Variants in FBXL13 observed in about 807,000 individuals in gnomAD.
FBXL13 encodes F-box and leucine-rich repeat protein 13.
Under a neutral mutation model 83.6 loss-of-function variants are expected in FBXL13, and 67 were observed. The observed-to-expected ratio is 0.80, with a 90% CI of 0.66 to 0.98. FBXL13 has a LOEUF of 0.98. FBXL13 is among the 50% of genes least tolerant of loss of function. The pLI, the probability that FBXL13 is intolerant of heterozygous loss-of-function variation, is 0.00. For missense variants in FBXL13, 822 were observed against 866.5 expected (o/e 0.95, Z 0.64); for synonymous variants, 272 against 299.5 (o/e 0.91, Z 0.95).
At chr7:102,813,324 C>T (rs1168038087) in exon 20 of FBXL13, 2 of 1,568,896 alleles carry the variant, frequency 1.3e-6, no homozygotes, top group Non-Finnish European at 1.7e-6. Flanking sequence ...TTTTGTTCTT[C>T]CTGCTTGAGG....
chr7:102,813,588 T>G, intron 19 of FBXL13, 57 bp from the exon 21 acceptor site: 1 of 1,560,376 alleles, frequency 6.4e-7, no homozygotes, highest in South Asian at 1.2e-5. Context: ...AGTGCAAAAT[T>G]TTCAAACTCA....
chr7:102,933,918 G>A (rs1235030077), intron 8 of FBXL13: 15 of 1,600,186 alleles, frequency 9.4e-6, no homozygotes, highest in East Asian at 2.2e-5. Context: ...GTCAGGATGC[G>A]TGTGGTTACC....
At position 102,813,366 on chromosome 7, in the gene FBXL13, G is replaced by GT. The variant is rs1562888276; in HGVS notation, c.2183dup (p.Tyr728Ter). ...GTCACGCTGCTTGGTCTTCACTGCTGTATGTTGACTTTTTCACTGTTAATT... is the reference window on the plus strand; with the variant it reads ...GTCACGCTGCTTGGTCTTCACTGCTGTTATGTTGACTTTTTCACTGTTAATT... The change falls in exon 20 of 20, where the codon TAC becomes TAAC. Residue 728 changes from tyrosine (Y) to a stop codon, truncating the protein, a stop_gained and frameshift_variant. Transcript: ENST00000313221. LOFTEE classifies it high-confidence loss of function. 1 of 1,613,688 alleles carries GT rather than the reference G, an allele frequency of 6.2e-7. No individual in the cohort carries two copies. Among genetic ancestry groups the GT allele is most frequent in the East Asian group, 2.2e-5 (1 of 44,850 alleles).
At chr7:102,982,140 C>T (rs982823954) in intron 6 of FBXL13, among the ~76,000 whole-genome samples, 11 of 152,092 alleles carry the variant, frequency 7.2e-5, no homozygotes, top group African/African-American at 2.2e-4. Context: ...TTCCCTTCTT[C>T]GCTTGTTGAT....
At chr7:103,067,532 C>T (rs577624267) in intron 1 of FBXL13, among the ~76,000 whole-genome samples, 43 of 152,340 alleles carry the variant, frequency 2.8e-4, no homozygotes, top group Non-Finnish European at 6.0e-4. Flanking sequence ...TTACTTGGCT[C>T]TGTCTCTTGG....
chr7:102,889,162 T>C (rs946686383), intron 11 of FBXL13, among the ~76,000 whole-genome samples: 1 of 152,178 alleles, frequency 6.6e-6, no homozygotes, highest in Admixed American at 6.5e-5. Flanking sequence ...GCCCTCTTAC[T>C]GCAAACAAAG....
chr7:102,858,403 T>G (rs754977813), intron 16 of FBXL13, among the ~76,000 whole-genome samples: 1 of 152,186 alleles, frequency 6.6e-6, no homozygotes, highest in African/African-American at 2.4e-5. Context: ...CATAATTTAT[T>G]GTATATTTTC....
intron 2 of FBXL13, among the ~76,000 whole-genome samples, chr7:103,048,669 C>T (rs1244860925): frequency 6.6e-6 from 1 of 151,988 alleles, no homozygotes; most frequent in African/African-American, 2.4e-5. Context: ...TTTAAGAAAA[C>T]CCTATTATGC....
intron 6 of FBXL13, among the ~76,000 whole-genome samples, chr7:102,992,995 G>C (rs1829740455): frequency 6.6e-6 from 1 of 152,172 alleles, no homozygotes; most frequent in African/African-American, 2.4e-5. Flanking sequence ...AAAATCAACT[G>C]TTCCCAAAGT....
At chr7:103,052,099 G>A (rs1055856626) in intron 2 of FBXL13, among the ~76,000 whole-genome samples, 3 of 152,126 alleles carry the variant, frequency 2.0e-5, no homozygotes, top group Admixed American at 2.0e-4. Context: ...CCTGCAATTA[G>A]GCAATCCACA....
chr7:102,857,623 T>C (rs1277105383), intron 16 of FBXL13: 2 of 152,154 alleles, frequency 1.3e-5, no homozygotes, highest in African/African-American at 2.4e-5. Flanking sequence ...TAGAGGAGGA[T>C]GGGTTATTGG....
At chr7:102,983,128 A>G (rs1212686235) in intron 6 of FBXL13, among the ~76,000 whole-genome samples, 1 of 152,150 alleles carries the variant, frequency 6.6e-6, no homozygotes, top group Admixed American at 6.5e-5. Context: ...CTAGAAGCAA[A>G]GAGGGGTGGT....
chr7:102,908,908 A>G (rs1317434148), intron 11 of FBXL13, among the ~76,000 whole-genome samples: 1 of 152,202 alleles, frequency 6.6e-6, no homozygotes, highest in Non-Finnish European at 1.5e-5. Flanking sequence ...GGCTACTGCC[A>G]TTGTTCACTC....
chr7:102,972,826 A>T (rs1284013069), intron 6 of FBXL13, among the ~76,000 whole-genome samples: 1 of 152,050 alleles, frequency 6.6e-6, no homozygotes, highest in African/African-American at 2.4e-5. Flanking sequence ...TATTGGTTAG[A>T]AGACAAAAAT....
At chr7:102,932,772 C>A (rs1214135424) in intron 8 of FBXL13, among the ~76,000 whole-genome samples, 1 of 151,926 alleles carries the variant, frequency 6.6e-6, no homozygotes, top group Non-Finnish European at 1.5e-5. Context: ...CCATGCCCGG[C>A]TAATTTTTGT....
At chr7:102,977,383 A>G (rs1827625998) in intron 6 of FBXL13, among the ~76,000 whole-genome samples, 1 of 152,204 alleles carries the variant, frequency 6.6e-6, no homozygotes, top group Non-Finnish European at 1.5e-5. Flanking sequence ...GGTAACTTTA[A>G]TGTCTCCAAT....
chr7:102,972,862 C>G (rs1272904754), intron 6 of FBXL13, among the ~76,000 whole-genome samples: 1 of 151,854 alleles, frequency 6.6e-6, no homozygotes, highest in Non-Finnish European at 1.5e-5. Flanking sequence ...ATGCTTTTTG[C>G]TTTAATGTTT....
At chr7:103,044,940 C>T (rs913935468) in intron 2 of FBXL13, among the ~76,000 whole-genome samples, 5 of 152,194 alleles carry the variant, frequency 3.3e-5, no homozygotes, top group African/African-American at 1.2e-4. Context: ...TAAGTAGAGA[C>T]ATATTTATCC....
At chr7:102,984,502 G>A (rs2129483800) in intron 6 of FBXL13, among the ~76,000 whole-genome samples, 1 of 152,320 alleles carries the variant, frequency 6.6e-6, no homozygotes, top group Non-Finnish European at 1.5e-5. Context: ...CAGAGAGCTG[G>A]TGGTATAGTT....
Sources: allele counts gnomAD v4.1 joint callset (sites outside exome capture counted in the v4.1 genomes callset), GRCh38; gene constraint gnomAD v4.1.1; transcripts MANE v1.5; gene names NCBI Gene and HGNC (gene_info 2026-07-23, HGNC 2026-07-21).